RGS8: variants seen among roughly 807,000 people sequenced by gnomAD.
RGS8 encodes regulator of G-protein signaling 8.
RGS8 carries 8 observed loss-of-function variants against 21.7 expected under a neutral mutation model. The observed-to-expected ratio is 0.37, with a 90% CI of 0.22 to 0.66. The LOEUF (loss-of-function observed/expected upper bound fraction) is 0.66. Ranked by LOEUF, RGS8 falls within the 30% of genes least tolerant of loss-of-function variation. The pLI is 0.59. For missense variants in RGS8, 157 were observed against 217.9 expected (o/e 0.72, Z 1.76); for synonymous variants, 80 against 83.6 (o/e 0.96, Z 0.24).
chr1:182,741,897 C>T, the RGS8 span, among the ~76,000 whole-genome samples: 1 of 143,164 alleles, frequency 7.0e-6, no homozygotes, highest in Non-Finnish European at 1.6e-5. Context: ...CCCCACCTCC[C>T]TCCCGGAGGA....
At chr1:182,747,374 C>A in the RGS8 span, among the ~76,000 whole-genome samples, 2 of 152,058 alleles carry the variant, frequency 1.3e-5, no homozygotes, top group Non-Finnish European at 1.5e-5. Flanking sequence ...GTGTGCTTCC[C>A]ATTTAAAGAT....
chr1:182,744,000 ACT>A, the RGS8 span, among the ~76,000 whole-genome samples: 2 of 151,998 alleles, frequency 1.3e-5, no homozygotes, highest in South Asian at 4.2e-4. Context: ...TTGTTATCTG[ACT>A]CTCCACTGTA....
intron 4 of RGS8, 129 bp downstream of exon 5, chr1:182,666,743 A>G: frequency 1.5e-6 from 1 of 687,708 alleles, no homozygotes; most frequent in East Asian, 2.6e-5. Flanking sequence ...ACTCACGTCC[A>G]GGGATATAAA....
At chr1:182,667,819 G>C (rs577049993) in intron 3 of RGS8, among the ~76,000 whole-genome samples, 1 of 151,290 alleles carries the variant, frequency 6.6e-6, no homozygotes, top group Admixed American at 6.6e-5. Flanking sequence ...ATTAGTCTCC[G>C]TTTACCACTT....
the RGS8 span, among the ~76,000 whole-genome samples, chr1:182,740,204 TAG>T: frequency 6.6e-6 from 1 of 152,212 alleles, no homozygotes; most frequent in African/African-American, 2.4e-5. Context: ...CCTGCTGTAA[TAG>T]AGACCTAAGT....
At chr1:182,646,280 C>G (rs1662698323) in exon 7 of RGS8, 1 of 158,308 alleles carries the variant, frequency 6.3e-6, no homozygotes, top group South Asian at 1.9e-4. Context: ...GTGAGCAGAG[C>G]TGGCCACTAC....
At chr1:182,686,179 G>A (rs1431629391), upstream of RGS8, among the ~76,000 whole-genome samples, 3 of 152,218 alleles carry the variant, frequency 2.0e-5, no homozygotes, top group Non-Finnish European at 4.4e-5. Context: ...GTATGTTTGG[G>A]AAACAGTGAG....
the RGS8 span, among the ~76,000 whole-genome samples, chr1:182,699,741 G>A: frequency 3.9e-5 from 6 of 152,156 alleles, no homozygotes; most frequent in Non-Finnish European, 8.8e-5. Context: ...CCCCTGAGAG[G>A]CCTGCAATGT....
chr1:182,707,832 G>T, the RGS8 span, among the ~76,000 whole-genome samples: 1 of 151,874 alleles, frequency 6.6e-6, no homozygotes, highest in Non-Finnish European at 1.5e-5. Flanking sequence ...TCAGTCTCCC[G>T]AGTGGCGGGG....
At chr1:182,666,676 T>G (rs568835128) in intron 4 of RGS8, among the ~76,000 whole-genome samples, 196 bp downstream of exon 5, 2 of 151,210 alleles carry the variant, frequency 1.3e-5, no homozygotes, top group African/African-American at 4.8e-5. Flanking sequence ...AAAAGAGGAT[T>G]CCCATTCTGA....
chr1:182,650,296 T>C (rs142314471), intron 5 of RGS8, among the ~76,000 whole-genome samples: 1 of 152,362 alleles, frequency 6.6e-6, no homozygotes, highest in East Asian at 1.9e-4. Flanking sequence ...CCAGGGTCAT[T>C]TGATGGATTG....
the RGS8 span, among the ~76,000 whole-genome samples, chr1:182,724,341 G>A: frequency 6.7e-6 from 1 of 150,196 alleles, no homozygotes; most frequent in Non-Finnish European, 1.5e-5. Context: ...AAGACACAGT[G>A]AGGTATAGAA....
At chr1:182,741,668 C>T in the RGS8 span, among the ~76,000 whole-genome samples, 1 of 117,226 alleles carries the variant, frequency 8.5e-6, no homozygotes. Flanking sequence ...GCTGGCCGGG[C>T]AGAGGGGCTC....
intron 4 of RGS8, among the ~76,000 whole-genome samples, chr1:182,666,526 A>G (rs1269073177): frequency 2.0e-5 from 3 of 152,178 alleles, no homozygotes; most frequent in Non-Finnish European, 4.4e-5. Flanking sequence ...CTTGAATCTA[A>G]GCATATTTTT....
At chr1:182,734,211 G>T in the RGS8 span, among the ~76,000 whole-genome samples, 1 of 152,092 alleles carries the variant, frequency 6.6e-6, no homozygotes, top group Non-Finnish European at 1.5e-5. Context: ...ATGAGCCACC[G>T]TGCCTGGCCC....
the RGS8 span, among the ~76,000 whole-genome samples, chr1:182,742,005 G>A: frequency 6.8e-6 from 1 of 146,128 alleles, no homozygotes; most frequent in Non-Finnish European, 1.5e-5. Flanking sequence ...GCCAGGCAGA[G>A]GGTCTCCTCA....
At chr1:182,647,604 T>C (rs1662763274) in intron 6 of RGS8, among the ~76,000 whole-genome samples, 1 of 152,276 alleles carries the variant, frequency 6.6e-6, no homozygotes, top group African/African-American at 2.4e-5. Flanking sequence ...CAAATAAGTA[T>C]AATTAAATAA....
At chr1:182,696,062 C>T in the RGS8 span, among the ~76,000 whole-genome samples, 1 of 152,082 alleles carries the variant, frequency 6.6e-6, no homozygotes, top group Non-Finnish European at 1.5e-5. Context: ...CTTTTATAGG[C>T]CAGACATTGT....
At chr1:182,718,343 G>C in the RGS8 span, among the ~76,000 whole-genome samples, 1 of 152,238 alleles carries the variant, frequency 6.6e-6, no homozygotes, top group African/African-American at 2.4e-5. Context: ...AGTTGGAGCA[G>C]TAGACAACCA....
Sources: allele counts gnomAD v4.1 joint callset (sites outside exome capture counted in the v4.1 genomes callset), GRCh38; gene constraint gnomAD v4.1.1; transcripts MANE v1.5; gene names NCBI Gene and HGNC (gene_info 2026-07-23, HGNC 2026-07-21).